Variants in RNF170 observed in about 807,000 individuals in gnomAD.
RNF170 encodes ring finger protein 170.
In RNF170, 12 loss-of-function variants were observed where a neutral mutation model predicts 32.7. The observed-to-expected ratio is 0.37, with a 90% confidence interval of 0.24 to 0.60. The LOEUF (loss-of-function observed/expected upper bound fraction) is 0.60, where lower values mean the gene tolerates loss of function less well. Ranked by LOEUF, RNF170 falls within the 20% of genes least tolerant of loss-of-function variation. RNF170 has a pLI of 0.72. For missense variants in RNF170, 212 were observed against 311.2 expected (o/e 0.68, Z 2.40); for synonymous variants, 91 against 103.6 (o/e 0.88, Z 0.74).
intron 3 of RNF170, 63 bp from the exon 4 acceptor site, chr8:42,870,175 G>A (rs1804421753): frequency 1.8e-6 from 2 of 1,128,604 alleles, no homozygotes; most frequent in South Asian, 2.5e-5. Context: ...AGTATCTCAT[G>A]TTAAATTATA....
chr8:42,852,380 AT>A (rs1331073281), downstream of RNF170, among the ~76,000 whole-genome samples: 1 of 152,090 alleles, frequency 6.6e-6, no homozygotes, highest in Non-Finnish European at 1.5e-5. Context: ...TAAACTTATC[AT>A]TGGTATGGTG....
At chr8:42,883,863 A>C (rs1350206096) in intron 2 of RNF170, among the ~76,000 whole-genome samples, 1 of 152,184 alleles carries the variant, frequency 6.6e-6, no homozygotes, top group African/African-American at 2.4e-5. Flanking sequence ...TGAATTTTAA[A>C]CTACAAATGC....
chr8:42,860,721 C>G (rs1014829382), intron 6 of RNF170, among the ~76,000 whole-genome samples: 3 of 149,750 alleles, frequency 2.0e-5, no homozygotes, highest in Non-Finnish European at 3.0e-5. Context: ...CTGTGCCCGG[C>G]CTAAACCTGG....
chr8:42,886,044 G>A lies in RNF170; in HGVS notation c.137+1684C>T, dbSNP rs548892760. On this transcript the variant is annotated intron_variant, in intron 2 of 6. Transcript: ENST00000527424. The stretch of plus-strand genomic sequence containing the variant: ...TCGAGACCATCCTGGCTAACACGGT[G>A]AAACCCCGTCTCTACTAAAAATACA... Among the ~76,000 whole-genome samples, 5 of 152,116 alleles carry A rather than the reference G, an allele frequency of 3.3e-5. No individual in the cohort carries two copies. In the South Asian group the frequency reaches 1.0e-3, roughly 32 times the overall value.
chr8:42,855,345 G>A lies in RNF170; in HGVS notation c.*814C>T, dbSNP rs1803170649. On this transcript the variant is annotated 3_prime_UTR_variant, in exon 7 of 7. Coordinates refer to ENST00000527424, the MANE Select transcript of RNF170 (RefSeq NM_030954.4). ...TTCTGCCTCAGCCTCCCGAGTAGCTGGGACTACAGGCGCCTGCCACCACGC... is the reference window on the plus strand; with the variant it reads ...TTCTGCCTCAGCCTCCCGAGTAGCTAGGACTACAGGCGCCTGCCACCACGC... The A allele has an allele frequency of 1.3e-6, 1 of 778,916 alleles. No individual in the cohort carries two copies. The highest frequency in any genetic ancestry group is 1.9e-5 in the African/African-American group (1 of 54,032). The allele number at this position is 778,916 out of a possible 1,614,324, so 48.3% of individuals were successfully genotyped here.
At chr8:42,867,775 CAAAAAAAAAAAA>C (rs1054907767) in intron 4 of RNF170, among the ~76,000 whole-genome samples, 11 of 24,772 alleles carry the variant, frequency 4.4e-4, no homozygotes, top group Admixed American at 3.8e-3. Flanking sequence ...GACTCCATCT[CAAAAAAAAAAAA>C]AAAAAAAAAA....
Position 42,870,098 on chromosome 8 carries a change from G to A in RNF170, c.228C>T (p.Ala76=). 2.5e-6 allele frequency: 4 copies of A among 1,613,652 alleles called. No homozygotes were observed. The highest frequency in any genetic ancestry group is 3.4e-6 in the Non-Finnish European group (4 of 1,179,660). ...TGTCAGTGTAGAACTGCTGTCGAGTGGCAGCAGGTGCATCCTAATAAGAAC... is the reference window on the plus strand; with the variant it reads ...TGTCAGTGTAGAACTGCTGTCGAGTAGCAGCAGGTGCATCCTAATAAGAAC... ...QLQTEQDAPA[A]TRQQFYTDMY... The change falls in exon 4 of 7, where the codon GCC becomes GCT. Residue 76 remains alanine, a synonymous_variant. Transcript: ENST00000527424.
At chr8:42,885,618 T>C (rs1805753082) in intron 2 of RNF170, among the ~76,000 whole-genome samples, 1 of 152,260 alleles carries the variant, frequency 6.6e-6, no homozygotes, top group Admixed American at 6.5e-5. Context: ...TCCTAAAAGA[T>C]AAAAGGTTTT....
intron 4 of RNF170, among the ~76,000 whole-genome samples, chr8:42,866,684 C>T (rs1804107588): frequency 6.6e-6 from 1 of 151,756 alleles, no homozygotes; most frequent in Non-Finnish European, 1.5e-5. Context: ...AGAATTGAAT[C>T]AACTCTTGCA....
At position 42,855,682 on chromosome 8, in the gene RNF170, T is replaced by C; in HGVS notation, c.*477A>G. On this transcript the variant is annotated 3_prime_UTR_variant, in exon 7 of 7. Coordinates refer to ENST00000527424, the MANE Select transcript of RNF170 (RefSeq NM_030954.4). Reference sequence around the variant, plus strand: ...CAAATGCACAAAACTTAGCTAGCACTAAAAGAAATACTGAATTTTCCCCAA... The same window carrying C: ...CAAATGCACAAAACTTAGCTAGCACCAAAAGAAATACTGAATTTTCCCCAA... 7.8e-7 allele frequency: 1 copy of C among 1,281,006 alleles called. No individual in the cohort carries two copies. Among genetic ancestry groups the C allele is most frequent in the Non-Finnish European group, 1.0e-6 (1 of 985,650 alleles). The allele number at this position is 1,281,006 out of a possible 1,614,324, so 79.4% of individuals were successfully genotyped here.
intron 4 of RNF170, among the ~76,000 whole-genome samples, chr8:42,867,971 T>A (rs1804244100): frequency 6.6e-6 from 1 of 151,636 alleles, no homozygotes; most frequent in African/African-American, 2.4e-5. Context: ...CGGAAAGGAG[T>A]GTCACGTGGA....
intron 1 of RNF170, among the ~76,000 whole-genome samples, chr8:42,895,053 C>T (rs1457077898): frequency 6.6e-6 from 1 of 151,962 alleles, no homozygotes. Context: ...GTGGCTCACA[C>T]TTTTGATCCC....
At chr8:42,871,363 GTTC>G (rs1243706575) in intron 3 of RNF170, among the ~76,000 whole-genome samples, 1 of 152,060 alleles carries the variant, frequency 6.6e-6, no homozygotes, top group African/African-American at 2.4e-5. Context: ...AATAGGAACT[GTTC>G]TTAAGTGAAT....
chr8:42,869,356 C>T (rs1392834523), intron 4 of RNF170, among the ~76,000 whole-genome samples: 1 of 152,104 alleles, frequency 6.6e-6, no homozygotes, highest in Non-Finnish European at 1.5e-5. Flanking sequence ...AGAAGATTTT[C>T]CTGAATCTGC....
At position 42,866,516 on chromosome 8, in the gene RNF170, G is replaced by A. The variant is rs530313179; in HGVS notation, c.323-1027C>T. 4.9e-4 allele frequency among the ~76,000 whole-genome samples: 75 copies of A among 152,042 alleles called. No individual in the cohort carries two copies. The Middle Eastern group carries it at 0.01, about 21-fold the overall frequency. ...GGAGAATCGCTTCAATCTGGGAGGC[G>A]GAGGTTGCAGTGAGCTGAGATTATG... On this transcript the variant is annotated intron_variant, in intron 4 of 6. Coordinates refer to ENST00000527424, the MANE Select transcript of RNF170 (RefSeq NM_030954.4).
At chr8:42,882,968 C>T (rs531393439) in intron 2 of RNF170, among the ~76,000 whole-genome samples, 3 of 151,742 alleles carry the variant, frequency 2.0e-5, no homozygotes, top group South Asian at 2.1e-4. Context: ...GAGGCTGAGG[C>T]GAGAGGATCA....
chr8:42,886,607 G>A (rs1189564844), intron 2 of RNF170, among the ~76,000 whole-genome samples: 2 of 152,264 alleles, frequency 1.3e-5, no homozygotes, highest in African/African-American at 4.8e-5. Flanking sequence ...TGTATTTTTA[G>A]TAGAGACGAG....
chr8:42,885,366 G>A (rs545708824), intron 2 of RNF170, among the ~76,000 whole-genome samples: 1 of 152,242 alleles, frequency 6.6e-6, no homozygotes, highest in East Asian at 1.9e-4. Flanking sequence ...ATGAACATAG[G>A]AACACAGATA....
intron 3 of RNF170, among the ~76,000 whole-genome samples, chr8:42,873,135 T>C (rs959321463): frequency 6.6e-6 from 1 of 152,058 alleles, no homozygotes; most frequent in African/African-American, 2.4e-5. Context: ...GCTCAAGTGA[T>C]TCTCCCGCCT....
Sources: allele counts gnomAD v4.1 joint callset (sites outside exome capture counted in the v4.1 genomes callset), GRCh38; gene constraint gnomAD v4.1.1; transcripts MANE v1.5; gene names NCBI Gene and HGNC (gene_info 2026-07-23, HGNC 2026-07-21).